Variants in UROS observed in about 807,000 individuals in gnomAD.
UROS encodes uroporphyrinogen III synthase.
Under a neutral mutation model 33.0 loss-of-function variants are expected in UROS, and 18 were observed. The observed-to-expected ratio is 0.55, with a 90% CI of 0.38 to 0.81. The LOEUF (loss-of-function observed/expected upper bound fraction) is 0.81. Ranked by LOEUF, UROS falls within the 30% of genes least tolerant of loss-of-function variation. The probability of loss-of-function intolerance (pLI) is 0.00; values close to 1 mark genes in which losing one functional copy is unlikely to be tolerated. For missense variants in UROS, 293 were observed against 314.9 expected, an observed-to-expected ratio of 0.93 and a Z score of 0.53; for synonymous variants, 114 against 121.1, an observed-to-expected ratio of 0.94 and a Z score of 0.38.
intron 1 of UROS, among the ~76,000 whole-genome samples, chr10:125,821,522 G>A (rs1392539178): frequency 2.6e-5 from 4 of 152,228 alleles, no homozygotes; most frequent in Non-Finnish European, 5.9e-5. Flanking sequence ...GATGAAAAGA[G>A]TTCTGCCAAT....
chr10:125,794,816 T>C, intron 9 of UROS, 64 bp downstream of exon 9: 1 of 1,473,940 alleles, frequency 6.8e-7, no homozygotes, highest in Non-Finnish European at 9.3e-7. Context: ...CCTAGGATAA[T>C]TCATAAAGAT....
chr10:125,802,931 G>A, intron 6 of UROS: 2 of 1,611,482 alleles, frequency 1.2e-6, no homozygotes, highest in Non-Finnish European at 1.7e-6. Context: ...CAAGGATGCG[G>A]CTAAACCCCA....
rs1031041903 is a variant in UROS at position 125,816,250 on chromosome 10, A to G, written c.74T>C (p.Leu25Ser). 3 of 1,613,986 alleles carry G rather than the reference A, an allele frequency of 1.9e-6. No homozygotes were observed. Among genetic ancestry groups the G allele is most frequent in the South Asian group, 1.1e-5 (1 of 91,078 alleles). ...GATCAAAGTGGCTTCAAGTCCATATAATCCTAATTCCTGAAATGAAAGAAT... is the reference window on the plus strand; with the variant it reads ...GATCAAAGTGGCTTCAAGTCCATATGATCCTAATTCCTGAAATGAAAGAAT... The part of the protein sequence containing the change: ...GQDPYIRELG[L>S]YGLEATLIPV... Residue 25 changes from leucine to serine, a missense_variant, in exon 3 of 10, where the codon TTA becomes TCA. Leu to Ser is a moderately radical substitution (Grantham distance 145). Transcript: ENST00000368797.
chr10:125,812,749 G>T (rs1852923790), intron 4 of UROS, among the ~76,000 whole-genome samples: 1 of 152,062 alleles, frequency 6.6e-6, no homozygotes, highest in Non-Finnish European at 1.5e-5. Context: ...CAGAGGAGAG[G>T]GTTCATTTAT....
chr10:125,817,224 A>AC (rs1554889322), intron 1 of UROS, among the ~76,000 whole-genome samples: 1 of 74,058 alleles, frequency 1.4e-5, no homozygotes, highest in Non-Finnish European at 2.4e-5. Context: ...TTATAGATGT[A>AC]TTTTTTTTTT....
At chr10:125,800,565 C>CTTTTTTTTT (rs367801933) in intron 6 of UROS, among the ~76,000 whole-genome samples, 2 of 140,400 alleles carry the variant, frequency 1.4e-5, no homozygotes, top group Admixed American at 7.1e-5. Flanking sequence ...TTCTTTCTTT[C>CTTTTTTTTT]TTTTTTTTTT....
chr10:125,814,962 A>C (rs1853166879), intron 4 of UROS, 72 bp downstream of exon 4: 4 of 1,529,276 alleles, frequency 2.6e-6, no homozygotes, highest in Admixed American at 1.8e-5. Flanking sequence ...CTGCTTCTGG[A>C]ATTTAGTCTC....
intron 6 of UROS, among the ~76,000 whole-genome samples, chr10:125,798,960 AC>A (rs1438541547): frequency 6.6e-6 from 1 of 151,918 alleles, no homozygotes; most frequent in Non-Finnish European, 1.5e-5. Context: ...ACCAGCCATT[AC>A]CCCCCACATC....
intron 1 of UROS, among the ~76,000 whole-genome samples, chr10:125,818,448 G>A (rs750410512): frequency 1.2e-4 from 18 of 151,970 alleles, no homozygotes; most frequent in Middle Eastern, 3.2e-3. Flanking sequence ...GGCTATAATC[G>A]TGCCACTGCA....
At chr10:125,816,078 G>T in intron 3 of UROS, 99 bp downstream of exon 3, 2 of 1,212,636 alleles carry the variant, frequency 1.6e-6, no homozygotes, top group Non-Finnish European at 2.4e-6. Context: ...TTAAAGTTTG[G>T]GAATAAAATA....
chr10:125,808,042 G>A (rs967929902), intron 5 of UROS, among the ~76,000 whole-genome samples: 10 of 152,206 alleles, frequency 6.6e-5, no homozygotes, highest in African/African-American at 1.7e-4. Flanking sequence ...GACCCACAGC[G>A]CTACAAATAC....
intron 1 of UROS, among the ~76,000 whole-genome samples, chr10:125,821,374 AAT>A (rs1646660323): frequency 6.6e-6 from 1 of 152,250 alleles, no homozygotes; most frequent in African/African-American, 2.4e-5. Context: ...TGCTGAATGA[AAT>A]AGTCACAAAA....
chr10:125,799,159 C>T (rs978728978), intron 6 of UROS, among the ~76,000 whole-genome samples: 2 of 152,168 alleles, frequency 1.3e-5, no homozygotes, highest in African/African-American at 4.8e-5. Flanking sequence ...AACTGCAGGC[C>T]ACTTAATTTC....
At position 125,802,308 on chromosome 10, in the gene UROS, C is replaced by T. The variant is rs554143860; in HGVS notation, c.395-4163G>A. The T allele has an allele frequency of 1.2e-4, 119 of 985,928 alleles. 1 individual carries two copies. The South Asian group carries it at 4.4e-3, about 36-fold the overall frequency. The allele number at this position is 985,928 out of a possible 1,614,324, so 61.1% of individuals were successfully genotyped here. A position where few individuals can be genotyped will look rare whatever the true frequency, so the allele number is the denominator to read the frequency against. ...GGGGCCCAACCAGTGCTCTCTGATC[C>T]GGAAAGCTGGAACAACTGTCTGTGG... On this transcript the variant is annotated intron_variant, in intron 6 of 9. Coordinates refer to ENST00000368797, the MANE Select transcript of UROS (RefSeq NM_000375.3).
chr10:125,797,272 T>C (rs1021759746), intron 7 of UROS, among the ~76,000 whole-genome samples: 3 of 152,174 alleles, frequency 2.0e-5, no homozygotes, highest in Non-Finnish European at 4.4e-5. Context: ...CATAGTTCCA[T>C]GGAGAGCTTG....
intron 3 of UROS, among the ~76,000 whole-genome samples, chr10:125,815,750 C>T (rs556722935): frequency 6.6e-6 from 1 of 152,210 alleles, no homozygotes; most frequent in Admixed American, 6.5e-5. Flanking sequence ...GGGTTTGAGT[C>T]CCAGCCCTGT....
chr10:125,808,567 C>T (rs1852534356), intron 5 of UROS, among the ~76,000 whole-genome samples: 1 of 152,218 alleles, frequency 6.6e-6, no homozygotes, highest in Admixed American at 6.5e-5. Flanking sequence ...AGCAGTGACG[C>T]TGGTAATCAA....
At chr10:125,789,271 G>C (rs888992381) in intron 9 of UROS, 1 of 1,401,774 alleles carries the variant, frequency 7.1e-7, no homozygotes, top group South Asian at 1.5e-5. Flanking sequence ...AAGGCCCCAG[G>C]CTGGTGCTCA....
intron 1 of UROS, among the ~76,000 whole-genome samples, chr10:125,820,602 A>G (rs2077269168): frequency 1.3e-5 from 2 of 152,320 alleles, no homozygotes; most frequent in South Asian, 4.1e-4. Context: ...ATGACATGTA[A>G]AAGTAACTAT....
Sources: gnomAD v4.1 joint callset for allele counts (sites outside exome capture counted in the v4.1 genomes callset) on GRCh38, gnomAD v4.1.1 for gene constraint, MANE v1.5 for transcripts, NCBI Gene and HGNC (gene_info 2026-07-23, HGNC 2026-07-21) for gene names.